The following DOCK4 variants were observed in gnomAD, a reference collection of about 807,000 sequenced individuals.
DOCK4 encodes the protein dedicator of cytokinesis protein 4.
A neutral mutation model predicts 268.1 loss-of-function variants in DOCK4; 97 were observed. The observed-to-expected ratio is 0.36, with a 90% CI of 0.31 to 0.43. The LOEUF (loss-of-function observed/expected upper bound fraction) is 0.43. DOCK4 is among the 20% of genes least tolerant of loss of function. The probability of loss-of-function intolerance (pLI) is 1.00; values close to 1 mark genes in which losing one functional copy is unlikely to be tolerated. For synonymous variants in DOCK4, 954 were observed against 887.2 expected (o/e 1.08, Z -1.34); for missense variants, 2,145 against 2,455.7 (o/e 0.87, Z 2.67).
intron 30 of DOCK4, among the ~76,000 whole-genome samples, chr7:111,799,356 C>T (rs1037255354): frequency 3.9e-5 from 6 of 152,138 alleles, no homozygotes; most frequent in African/African-American, 1.4e-4. Context: ...CTATTACTTC[C>T]AACAAAAATT....
At chr7:111,755,450 T>C in intron 42 of DOCK4, 65 bp downstream of exon 42, 3 of 1,487,636 alleles carry the variant, frequency 2.0e-6, no homozygotes, top group Non-Finnish European at 1.9e-6. Flanking sequence ...GTAATGAATA[T>C]ACGGCACAAC....
chr7:112,125,945 A>T (rs1004149308), intron 1 of DOCK4, among the ~76,000 whole-genome samples: 8 of 152,002 alleles, frequency 5.3e-5, no homozygotes, highest in Non-Finnish European at 1.2e-4. Flanking sequence ...AGTGGCTGGG[A>T]CTATAGGCAT....
In DOCK4 at chr7:111,813,070, A is replaced by G. The variant is rs749394022; in HGVS notation, c.2931-1121T>C. Among the ~76,000 whole-genome samples, 4 of 152,226 alleles carry G rather than the reference A, an allele frequency of 2.6e-5. No homozygotes were observed. The South Asian group carries it at 6.2e-4, about 24-fold the overall frequency. ...CCAATTGGTTCACTTAATGTTTAAC[A>G]CAGCATTATACTAAAGCAAGATTAG... On this transcript the variant is annotated intron_variant, in intron 27 of 52. Coordinates refer to ENST00000428084, the MANE Select transcript of DOCK4 (RefSeq NM_001363540.2).
At chr7:111,855,952 G>A (rs1472757505) in intron 23 of DOCK4, among the ~76,000 whole-genome samples, 2 of 152,172 alleles carry the variant, frequency 1.3e-5, no homozygotes, top group East Asian at 3.8e-4. Context: ...AATAGAGCCT[G>A]GCATTTCTGT....
At chr7:112,006,240 A>T (rs1800853088) in intron 1 of DOCK4, among the ~76,000 whole-genome samples, 1 of 152,184 alleles carries the variant, frequency 6.6e-6, no homozygotes, top group African/African-American at 2.4e-5. Context: ...TCACTGGGTG[A>T]GTGAACAAGG....
chr7:112,195,198 G>C (rs1488480686), intron 1 of DOCK4, among the ~76,000 whole-genome samples: 1 of 152,160 alleles, frequency 6.6e-6, no homozygotes, highest in Non-Finnish European at 1.5e-5. Flanking sequence ...AGAATCACCT[G>C]AACCTGGGAA....
intron 26 of DOCK4, among the ~76,000 whole-genome samples, chr7:111,822,666 T>G (rs1255296728): frequency 6.6e-6 from 1 of 152,222 alleles, no homozygotes; most frequent in Non-Finnish European, 1.5e-5. Context: ...CTTTTCTTTC[T>G]TGGGCACAGT....
chr7:111,745,478 C>T (rs1045504958), intron 44 of DOCK4, among the ~76,000 whole-genome samples: 2 of 151,628 alleles, frequency 1.3e-5, no homozygotes, highest in South Asian at 4.2e-4. Context: ...GTCAGGAGAT[C>T]GAGACCATCC....
intron 23 of DOCK4, among the ~76,000 whole-genome samples, chr7:111,857,882 A>C (rs1805141742): frequency 6.6e-6 from 1 of 152,218 alleles, no homozygotes; most frequent in South Asian, 2.1e-4. Context: ...GCCTTCAGCA[A>C]ATAGGAAGAA....
At chr7:112,022,164 G>C (rs924267256) in intron 1 of DOCK4, among the ~76,000 whole-genome samples, 1 of 152,140 alleles carries the variant, frequency 6.6e-6, no homozygotes, top group Non-Finnish European at 1.5e-5. Flanking sequence ...AAATGCTGTG[G>C]TATGTGTTTA....
rs868867490 is a variant in DOCK4, at chr7:111,870,219, C to T, written c.2028-564G>A. ...AGAAAGGCCAAGGTAATTTTTTTTCCTGTTTTGAAAAAATGTAAAAACAAC... is the reference window on the plus strand; with the variant it reads ...AGAAAGGCCAAGGTAATTTTTTTTCTTGTTTTGAAAAAATGTAAAAACAAC... On this transcript the variant is annotated intron_variant, in intron 20 of 52. Coordinates refer to ENST00000428084, the MANE Select transcript of DOCK4 (RefSeq NM_001363540.2). 1.6e-4 allele frequency among the ~76,000 whole-genome samples: 24 copies of T among 151,894 alleles called. No homozygotes were observed. The Middle Eastern group carries it at 0.01, about 65-fold the overall frequency.
At chr7:112,032,563 G>A (rs1204814235) in intron 1 of DOCK4, among the ~76,000 whole-genome samples, 1 of 152,034 alleles carries the variant, frequency 6.6e-6, no homozygotes, top group African/African-American at 2.4e-5. Context: ...TGAAGGATCT[G>A]TCTTATTGTG....
At chr7:112,148,974 G>A (rs1336512334) in intron 1 of DOCK4, among the ~76,000 whole-genome samples, 2 of 152,200 alleles carry the variant, frequency 1.3e-5, no homozygotes, top group African/African-American at 4.8e-5. Flanking sequence ...CTCAGGTGAA[G>A]TCTCTGGCCA....
intron 8 of DOCK4, among the ~76,000 whole-genome samples, chr7:111,964,243 G>A (rs1400509480): frequency 4.2e-5 from 5 of 120,452 alleles, no homozygotes; most frequent in Admixed American, 7.7e-5. Context: ...GGCTTCAGAC[G>A]ATCAAATTAC....
At chr7:111,974,876 A>G (rs1011905076) in intron 8 of DOCK4, among the ~76,000 whole-genome samples, 1 of 152,232 alleles carries the variant, frequency 6.6e-6, no homozygotes. Flanking sequence ...TTATAATGAG[A>G]TGATATTTAG....
At position 112,004,982 on chromosome 7, in the gene DOCK4, C is replaced by G. The variant is rs1800739299; in HGVS notation, c.38-851G>C. ...GAGAATAAAGCTCAGTGATTCTTCC[C>G]TGAATAGTAAGTAAAGCTTGAGTCA... On this transcript the variant is annotated intron_variant, in intron 1 of 52. Transcript: ENST00000428084. Among the ~76,000 whole-genome samples the G allele has an allele frequency of 3.9e-5, 6 of 152,094 alleles. No individual in the cohort carries two copies. In the South Asian group the frequency reaches 1.0e-3, roughly 26 times the overall value.
At chr7:111,737,127 ATAATT>A (rs1249731178) in intron 49 of DOCK4, 138 bp from the exon 50 acceptor site, 21 of 659,808 alleles carry the variant, frequency 3.2e-5, no homozygotes, top group Admixed American at 1.2e-4. Context: ...CTAGGAACAA[ATAATT>A]TAATTATATT....
At chr7:112,072,243 T>A (rs756734579) in intron 1 of DOCK4, among the ~76,000 whole-genome samples, 1 of 152,130 alleles carries the variant, frequency 6.6e-6, no homozygotes, top group African/African-American at 2.4e-5. Context: ...AAAAAAAATC[T>A]ATCTATAACC....
intron 16 of DOCK4, among the ~76,000 whole-genome samples, chr7:111,881,718 A>G (rs573040077): frequency 1.1e-4 from 16 of 152,380 alleles, no homozygotes; most frequent in South Asian, 2.1e-4. Flanking sequence ...AATGTGGTAC[A>G]TGGATACAGT....
Sources: gnomAD v4.1 joint callset for allele counts (sites outside exome capture counted in the v4.1 genomes callset) on GRCh38, gnomAD v4.1.1 for gene constraint, MANE v1.5 for transcripts, NCBI Gene and HGNC (gene_info 2026-07-23, HGNC 2026-07-21) for gene names.